ADAMTS3: variants seen among roughly 807,000 people sequenced by gnomAD.
ADAMTS3 encodes A disintegrin and metalloproteinase with thrombospondin motifs 3.
In ADAMTS3, 73 loss-of-function variants were observed where a neutral mutation model predicts 129.0. The ratio of observed to expected loss-of-function variants is 0.57; its 90% confidence interval spans 0.47 to 0.69. The LOEUF (loss-of-function observed/expected upper bound fraction) is 0.69, where lower values mean the gene tolerates loss of function less well. Among genes scored for constraint, ADAMTS3 ranks in the 30% least tolerant of loss-of-function variants. The pLI is 0.00. For missense variants in ADAMTS3, 1,457 were observed against 1,514.5 expected, an observed-to-expected ratio of 0.96 and a Z score of 0.63; for synonymous variants, 477 against 510.8, an observed-to-expected ratio of 0.93 and a Z score of 0.89.
At chr4:72,402,951 TCCC>T (rs1721961617) in intron 4 of ADAMTS3, among the ~76,000 whole-genome samples, 1 of 152,112 alleles carries the variant, frequency 6.6e-6, no homozygotes, top group Non-Finnish European at 1.5e-5. Context: ...TATATTTTAG[TCCC>T]TATACCTGGA....
intron 3 of ADAMTS3, among the ~76,000 whole-genome samples, chr4:72,431,513 C>T (rs1447185722): frequency 6.6e-6 from 1 of 151,976 alleles, no homozygotes; most frequent in Non-Finnish European, 1.5e-5. Flanking sequence ...TCAGAATGCA[C>T]TGAAAACTTT....
intron 3 of ADAMTS3, among the ~76,000 whole-genome samples, chr4:72,505,445 A>C (rs1017765639): frequency 6.6e-6 from 1 of 152,210 alleles, no homozygotes; most frequent in African/African-American, 2.4e-5. Flanking sequence ...GCTATGGCCA[A>C]TAAGGCAGGG....
At chr4:72,328,337 G>T (rs949579485) in intron 5 of ADAMTS3, among the ~76,000 whole-genome samples, 1 of 152,206 alleles carries the variant, frequency 6.6e-6, no homozygotes, top group Non-Finnish European at 1.5e-5. Flanking sequence ...TTCCAGGTTT[G>T]TTCCCGGACA....
At chr4:72,294,415 T>C (rs1189120212) in intron 19 of ADAMTS3, among the ~76,000 whole-genome samples, 1 of 152,054 alleles carries the variant, frequency 6.6e-6, no homozygotes, top group East Asian at 1.9e-4. Context: ...ATTATGAAAC[T>C]GATATTTCAA....
intron 4 of ADAMTS3, among the ~76,000 whole-genome samples, chr4:72,340,800 T>C (rs1254957488): frequency 6.6e-6 from 1 of 152,118 alleles, no homozygotes; most frequent in Non-Finnish European, 1.5e-5. Flanking sequence ...AAAAATAAAA[T>C]CTATCATTTG....
chr4:72,330,076 T>A (rs762675387), intron 5 of ADAMTS3, among the ~76,000 whole-genome samples: 1 of 152,168 alleles, frequency 6.6e-6, no homozygotes, highest in African/African-American at 2.4e-5. Flanking sequence ...TGGAGTACAA[T>A]GGCATCATCT....
chr4:72,328,954 T>C (rs922611542), intron 5 of ADAMTS3, among the ~76,000 whole-genome samples: 2 of 152,214 alleles, frequency 1.3e-5, no homozygotes, highest in Non-Finnish European at 2.9e-5. Flanking sequence ...ATACTCAGTA[T>C]TCCTTTTCCT....
intron 4 of ADAMTS3, among the ~76,000 whole-genome samples, chr4:72,411,368 CA>C (rs1722180456): frequency 6.6e-6 from 1 of 152,032 alleles, no homozygotes; most frequent in Admixed American, 6.6e-5. Flanking sequence ...GGGAGAAGCA[CA>C]ATTTTTGTTT....
At chr4:72,389,776 C>G (rs374678178) in intron 4 of ADAMTS3, among the ~76,000 whole-genome samples, 1 of 152,094 alleles carries the variant, frequency 6.6e-6, no homozygotes, top group Non-Finnish European at 1.5e-5. Context: ...TGGGTTTATA[C>G]CAATATTTAA....
intron 3 of ADAMTS3, among the ~76,000 whole-genome samples, chr4:72,501,555 C>T (rs1189917319): frequency 6.6e-6 from 1 of 152,040 alleles, no homozygotes; most frequent in Non-Finnish European, 1.5e-5. Context: ...AGAATCATAT[C>T]ATGAGCAAAG....
At chr4:72,529,429 C>T (rs1447618682) in intron 3 of ADAMTS3, among the ~76,000 whole-genome samples, 1 of 151,644 alleles carries the variant, frequency 6.6e-6, no homozygotes, top group Non-Finnish European at 1.5e-5. Context: ...CTGATGCCTA[C>T]TAAGATCAGT....
At chr4:72,305,930 T>A in intron 16 of ADAMTS3, 57 bp downstream of exon 16, 1 of 1,420,914 alleles carries the variant, frequency 7.0e-7, no homozygotes, top group Non-Finnish European at 9.9e-7. Flanking sequence ...AGGATTTCTT[T>A]GACATTTCAA....
At chr4:72,422,601 A>G (rs1722474358) in intron 3 of ADAMTS3, among the ~76,000 whole-genome samples, 1 of 152,078 alleles carries the variant, frequency 6.6e-6, no homozygotes, top group South Asian at 2.1e-4. Flanking sequence ...CATTTGGTCA[A>G]CTCTTCCAGC....
chr4:72,380,649 G>T (rs1721262968), intron 4 of ADAMTS3, among the ~76,000 whole-genome samples: 2 of 152,024 alleles, frequency 1.3e-5, no homozygotes, highest in African/African-American at 2.4e-5. Flanking sequence ...GCATAGCTTT[G>T]ACATTCTGTC....
At chr4:72,326,258 C>T (rs980785014) in intron 5 of ADAMTS3, among the ~76,000 whole-genome samples, 6 of 151,978 alleles carry the variant, frequency 3.9e-5, no homozygotes, top group African/African-American at 1.4e-4. Flanking sequence ...GGCAAATAAC[C>T]AGCTGTCTGT....
chr4:72,295,106 T>C (rs570890647), intron 19 of ADAMTS3, among the ~76,000 whole-genome samples: 7 of 152,150 alleles, frequency 4.6e-5, no homozygotes, highest in Non-Finnish European at 1.0e-4. Flanking sequence ...AAAATCAAAA[T>C]ATTCATTTAT....
At chr4:72,418,005 CA>C (rs1423721313) in intron 3 of ADAMTS3, among the ~76,000 whole-genome samples, 1 of 149,888 alleles carries the variant, frequency 6.7e-6, no homozygotes, top group Non-Finnish European at 1.5e-5. Flanking sequence ...TCCTGCAAGA[CA>C]GTTCATTTGT....
intron 4 of ADAMTS3, among the ~76,000 whole-genome samples, chr4:72,370,247 G>C (rs916219404): frequency 6.6e-6 from 1 of 152,116 alleles, no homozygotes; most frequent in Admixed American, 6.5e-5. Context: ...ACCAGTGGCC[G>C]ACTCTGGTGC....
intron 3 of ADAMTS3, among the ~76,000 whole-genome samples, chr4:72,438,184 TA>T (rs1234487444): frequency 6.6e-6 from 1 of 151,654 alleles, no homozygotes; most frequent in East Asian, 2.0e-4. Context: ...TCTGGTCACA[TA>T]AACAAAGTCT....
Sources: allele counts gnomAD v4.1 joint callset (sites outside exome capture counted in the v4.1 genomes callset), GRCh38; gene constraint gnomAD v4.1.1; transcripts MANE v1.5; gene names NCBI Gene and HGNC (gene_info 2026-07-23, HGNC 2026-07-21).